DYNC2H1: variants seen among roughly 807,000 people sequenced by gnomAD.
DYNC2H1 encodes the protein dynein cytoplasmic 2 heavy chain 1, also known as cytoplasmic dynein 2 heavy chain 1.
Under a neutral mutation model 570.0 loss-of-function variants are expected in DYNC2H1, and 410 were observed. The observed-to-expected ratio is 0.72, with a 90% confidence interval of 0.66 to 0.78. DYNC2H1 has a LOEUF of 0.78. Ranked by LOEUF, DYNC2H1 falls within the 30% of genes least tolerant of loss-of-function variation. The pLI is 0.00. For synonymous variants in DYNC2H1, 1,688 were observed against 1,677.6 expected, an observed-to-expected ratio of 1.01 and a Z score of -0.15; for missense variants, 4,865 against 5,046.4, an observed-to-expected ratio of 0.96 and a Z score of 1.09.
At chr11:103,418,008 T>G (rs1377797142) in intron 84 of DYNC2H1, among the ~76,000 whole-genome samples, 2 of 151,672 alleles carry the variant, frequency 1.3e-5, no homozygotes, top group East Asian at 3.9e-4. Context: ...AAAAAAAACT[T>G]TAGCAAACTA....
At chr11:103,219,877 T>C (rs1863521822) in intron 55 of DYNC2H1, 38 bp from the exon 56 acceptor site, 1 of 1,193,144 alleles carries the variant, frequency 8.4e-7, no homozygotes, top group South Asian at 1.5e-5. Flanking sequence ...ATATCAAGCA[T>C]TAAAATTGAT....
rs576095959 is a variant in DYNC2H1, at chr11:103,259,763, T to C, written c.10606-125T>C. 11 of 591,670 alleles carry C rather than the reference T, an allele frequency of 1.9e-5. No individual in the cohort carries two copies. The African/African-American group carries it at 1.9e-4, about 10-fold the overall frequency. 36.7% of individuals were successfully genotyped at this position (591,670 alleles called of 1,614,324 possible). On this transcript the variant is annotated intron_variant, in intron 69 of 88. Transcript: ENST00000375735. ...ATACAAGTTTAATGCACTTGTTTAG[T>C]CCCTTGAATTTGATGGTTAAAGATA...
chr11:103,115,239 C>G lies in DYNC2H1; in HGVS notation c.565C>G (p.Gln189Glu). 2 of 1,609,112 alleles carry G rather than the reference C, an allele frequency of 1.2e-6. No individual in the cohort carries two copies. The highest frequency in any genetic ancestry group is 1.3e-5 in the African/African-American group (1 of 74,862). The change falls in exon 4 of 89, where the codon CAG becomes GAG. Residue 189 changes from glutamine (Q) to glutamate (E), a missense_variant. Gln to Glu is a conservative substitution (Grantham distance 29). Around this residue, in one of 5 missense-constraint regions of DYNC2H1, gnomAD observed 1,936 missense variants for 1,962.1 expected, o/e 0.99. Coordinates refer to ENST00000375735, the MANE Select transcript of DYNC2H1 (RefSeq NM_001377.3). ...AGAACAAGCTCACCGTGGAAATAAA[C>G]AGATTAGTAAAGAAAGAGCCAATTA... ...WIEQAHRGNKQISKERANYFK... is the reference protein window; with the variant it reads ...WIEQAHRGNKEISKERANYFK...
intron 13 of DYNC2H1, among the ~76,000 whole-genome samples, chr11:103,131,491 G>A (rs1285367156): frequency 2.6e-5 from 4 of 151,786 alleles, no homozygotes; most frequent in South Asian, 2.1e-4. Context: ...GGGTTTCACC[G>A]TGTTAGCCAG....
chr11:103,447,280 G>T (rs1453211000), intron 85 of DYNC2H1, among the ~76,000 whole-genome samples: 1 of 152,116 alleles, frequency 6.6e-6, no homozygotes, highest in Non-Finnish European at 1.5e-5. Flanking sequence ...CTATATTAAG[G>T]ATGGGGAAGA....
At position 103,275,596 on chromosome 11, in the gene DYNC2H1, G is replaced by A. The variant is rs890679254; in HGVS notation, c.10696-4752G>A. Among the ~76,000 whole-genome samples, 1 of 152,058 alleles carries A rather than the reference G, an allele frequency of 6.6e-6. No homozygotes were observed. Among genetic ancestry groups the A allele is most frequent in the East Asian group, 1.9e-4 (1 of 5,192 alleles). ...TCTAATTATATTTGTCATATAATTG[G>A]AATCATACAGTATGTCAGTATGTAG... On this transcript the variant is annotated intron_variant, in intron 70 of 88. Coordinates refer to ENST00000375735, the MANE Select transcript of DYNC2H1 (RefSeq NM_001377.3). The surrounding 1 kb of genome is among the most constrained non-coding windows in gnomAD (Gnocchi z 4.8).
At chr11:103,124,013 T>C (rs1234299135) in intron 11 of DYNC2H1, among the ~76,000 whole-genome samples, 2 of 145,826 alleles carry the variant, frequency 1.4e-5, no homozygotes, top group African/African-American at 4.9e-5. Context: ...TAAATCATCA[T>C]TTTAAGCCAT....
In DYNC2H1 at chr11:103,158,951, T is replaced by C; in HGVS notation, c.4302T>C (p.Asp1434=). The part of the protein sequence containing the change: ...SAFPRFYFIG[D]DDLLEILGQS... ...TCCCAAGATTTTATTTTATTGGTGATGATGACTTATTAGAAATATTGGGCC... is the reference window on the plus strand; with the variant it reads ...TCCCAAGATTTTATTTTATTGGTGACGATGACTTATTAGAAATATTGGGCC... Residue 1434 remains aspartate, a synonymous_variant, in exon 28 of 89, where the codon GAT becomes GAC. Transcript: ENST00000375735. The C allele has an allele frequency of 3.1e-6, 5 of 1,613,164 alleles. No individual in the cohort carries two copies. The South Asian group carries it at 5.5e-5, about 18-fold the overall frequency.
At position 103,334,448 on chromosome 11, in the gene DYNC2H1, C is replaced by T. The variant is rs1939006250; in HGVS notation, c.12039+10458C>T. Among the ~76,000 whole-genome samples the T allele has an allele frequency of 6.6e-6, 1 of 151,994 alleles. No homozygotes were observed. Among genetic ancestry groups the T allele is most frequent in the African/African-American group, 2.4e-5 (1 of 41,392 alleles). ...AAATCAGTTTGCAAATTATAAATAT[C>T]AAATGTAAAATTTGGTTTCATTCTA... On this transcript the variant is annotated intron_variant, in intron 82 of 88. Transcript: ENST00000375735. The surrounding 1 kb of genome is among the most constrained non-coding windows in gnomAD (Gnocchi z 4.3).
At chr11:103,387,487 C>T (rs1458891896) in intron 83 of DYNC2H1, among the ~76,000 whole-genome samples, 1 of 152,162 alleles carries the variant, frequency 6.6e-6, no homozygotes, top group East Asian at 1.9e-4. Flanking sequence ...TTTTGCTGTG[C>T]AGAAGCTCTT....
intron 72 of DYNC2H1, 70 bp downstream of exon 72, chr11:103,282,299 A>C (rs749850430): frequency 2.7e-5 from 38 of 1,433,138 alleles, no homozygotes; most frequent in Admixed American, 1.5e-4. Flanking sequence ...CATGAGGTAT[A>C]ATTTGCTTCA....
chr11:103,300,699 G>A (rs190254639), intron 75 of DYNC2H1, among the ~76,000 whole-genome samples: 1 of 151,984 alleles, frequency 6.6e-6, no homozygotes, highest in East Asian at 1.9e-4. Context: ...TATCCTGTGG[G>A]ATTTTAAAAT....
chr11:103,165,290 G>A (rs1441568902), intron 30 of DYNC2H1, among the ~76,000 whole-genome samples: 2 of 152,032 alleles, frequency 1.3e-5, no homozygotes, highest in Non-Finnish European at 2.9e-5. Context: ...ACCATACCTG[G>A]CTAATTTTTG....
intron 83 of DYNC2H1, among the ~76,000 whole-genome samples, chr11:103,366,681 C>T (rs2135545377): frequency 6.6e-6 from 1 of 152,210 alleles, no homozygotes; most frequent in Non-Finnish European, 1.5e-5. Flanking sequence ...ACTTGCTTTG[C>T]CTAGTTGACT....
intron 6 of DYNC2H1, among the ~76,000 whole-genome samples, chr11:103,118,290 A>C (rs1294438727): frequency 6.6e-6 from 1 of 152,100 alleles, no homozygotes; most frequent in Non-Finnish European, 1.5e-5. Flanking sequence ...GAGATTACTT[A>C]AAGATTGCAA....
At chr11:103,183,419 A>G (rs1861934813) in intron 40 of DYNC2H1, among the ~76,000 whole-genome samples, 1 of 151,896 alleles carries the variant, frequency 6.6e-6, no homozygotes, top group Non-Finnish European at 1.5e-5. Flanking sequence ...TAAACAATAG[A>G]GTGAATACCA....
At chr11:103,302,906 G>A (rs151112993) in intron 75 of DYNC2H1, among the ~76,000 whole-genome samples, 187 bp from the exon 76 acceptor site, 3 of 151,852 alleles carry the variant, frequency 2.0e-5, no homozygotes, top group Non-Finnish European at 4.4e-5. Context: ...AAAAATGCCC[G>A]GCACCTTAAG....
At chr11:103,135,385 G>T (rs1859483531) in intron 15 of DYNC2H1, 110 bp from the exon 16 acceptor site, 7 of 988,114 alleles carry the variant, frequency 7.1e-6, no homozygotes, top group Non-Finnish European at 8.2e-6. Flanking sequence ...GAAATGAGTT[G>T]GTTTTATTTT....
chr11:103,170,138 C>A lies in DYNC2H1; in HGVS notation c.4999C>A (p.Leu1667Met). 6.2e-7 allele frequency: 1 copy of A among 1,612,914 alleles called. No individual in the cohort carries two copies. The highest frequency in any genetic ancestry group is 8.5e-7 in the Non-Finnish European group (1 of 1,179,352). The change falls in exon 33 of 89, where the codon CTG becomes ATG. Residue 1667 changes from leucine to methionine, a missense_variant. This residue lies in a region of DYNC2H1 where 1,936 missense variants were observed against 1,962.1 expected (regional missense o/e 0.99). Transcript: ENST00000375735. The surrounding 1 kb of genome is among the most constrained non-coding windows in gnomAD (Gnocchi z 4.8). ...GNASKLVYTP[L>M]TDKCYLTLTQ... The stretch of plus-strand genomic sequence containing the variant: ...TGCTTCCAAACTGGTTTATACTCCA[C>A]TGACAGACAAGTGCTACTTAACTCT...
Sources: allele counts gnomAD v4.1 joint callset (sites outside exome capture counted in the v4.1 genomes callset), GRCh38; gene constraint gnomAD v4.1.1; regional missense constraint gnomAD v4.1.1; non-coding constraint Gnocchi (gnomAD v3.1); transcripts MANE v1.5; gene names NCBI Gene and HGNC (gene_info 2026-07-23, HGNC 2026-07-21).